The following NLK variants were observed in gnomAD, a reference collection of about 807,000 sequenced individuals.
NLK encodes serine/threonine-protein kinase NLK.
A neutral mutation model predicts 59.0 loss-of-function variants in NLK; 11 were observed. The observed-to-expected ratio is 0.19, with a 90% CI of 0.12 to 0.31. The LOEUF is 0.31. NLK is among the 10% of genes least tolerant of loss of function. The pLI is 1.00. For synonymous variants in NLK, 235 were observed against 235.9 expected (o/e 1.00, Z 0.03); for missense variants, 410 against 661.1 (o/e 0.62, Z 4.16).
intron 1 of NLK, among the ~76,000 whole-genome samples, chr17:28,121,495 C>CTTTTTTTTTTTTTT (rs58647578): frequency 1.7e-4 from 12 of 72,298 alleles, no homozygotes; most frequent in African/African-American, 2.9e-4. Flanking sequence ...TCTTTCTTTT[C>CTTTTTTTTTTTTTT]TTTTTTTTTT....
At chr17:28,164,585 G>A (rs1908144889) in intron 5 of NLK, among the ~76,000 whole-genome samples, 1 of 151,986 alleles carries the variant, frequency 6.6e-6, no homozygotes, top group Non-Finnish European at 1.5e-5. Flanking sequence ...TTTAAAAAGG[G>A]GCTTGCAAAT....
intron 1 of NLK, among the ~76,000 whole-genome samples, chr17:28,064,558 T>C (rs1324279540): frequency 6.6e-6 from 1 of 152,162 alleles, no homozygotes; most frequent in Admixed American, 6.5e-5. Flanking sequence ...ATTTAACACA[T>C]TATTTTTTAA....
intron 1 of NLK, among the ~76,000 whole-genome samples, chr17:28,067,685 G>A (rs572573959): frequency 6.6e-6 from 1 of 152,044 alleles, no homozygotes; most frequent in Non-Finnish European, 1.5e-5. Context: ...CAAACATGAT[G>A]CAACTATCCT....
At chr17:28,074,685 A>G (rs1262569144) in intron 1 of NLK, among the ~76,000 whole-genome samples, 1 of 152,198 alleles carries the variant, frequency 6.6e-6, no homozygotes, top group East Asian at 1.9e-4. Flanking sequence ...TTTTATAAAT[A>G]TGTGTTTCTT....
chr17:28,184,307 C>T (rs1909031831), intron 7 of NLK, among the ~76,000 whole-genome samples: 1 of 152,198 alleles, frequency 6.6e-6, no homozygotes, highest in Non-Finnish European at 1.5e-5. Flanking sequence ...AGTTTACATG[C>T]TTTGCATGTG....
intron 1 of NLK, among the ~76,000 whole-genome samples, chr17:28,104,535 T>G (rs1166919914): frequency 1.3e-5 from 2 of 152,132 alleles, no homozygotes; most frequent in African/African-American, 4.8e-5. Flanking sequence ...ATTACAGGCG[T>G]GAGCCACTAC....
At chr17:28,173,378 G>A (rs1251664836) in intron 7 of NLK, among the ~76,000 whole-genome samples, 1 of 152,106 alleles carries the variant, frequency 6.6e-6, no homozygotes, top group Non-Finnish European at 1.5e-5. Context: ...TCTGATTGAT[G>A]GTACCAAATG....
In NLK at chr17:28,194,824, T is replaced by C. The variant is rs1276705313; in HGVS notation, c.*188T>C. 7 of 405,690 alleles carry C rather than the reference T, an allele frequency of 1.7e-5. No individual in the cohort carries two copies. Among genetic ancestry groups the C allele is most frequent in the Non-Finnish European group, 3.1e-5 (7 of 229,496 alleles). The allele number at this position is 405,690 out of a possible 1,614,324, so 25.1% of individuals were successfully genotyped here. ...TAGACTTTTAATCTTGTAAAGTGGT[T>C]GTGCTTTTAGAAGAAAAATATTTTA... On this transcript the variant is annotated 3_prime_UTR_variant, in exon 11 of 11. Transcript: ENST00000407008.
chr17:28,193,036 T>G (rs1909364978), intron 10 of NLK, among the ~76,000 whole-genome samples: 1 of 152,224 alleles, frequency 6.6e-6, no homozygotes, highest in African/African-American at 2.4e-5. Context: ...TCTTGATTTC[T>G]TTTTCCTTAA....
intron 7 of NLK, among the ~76,000 whole-genome samples, chr17:28,184,952 A>C (rs1461753829): frequency 6.6e-6 from 1 of 152,206 alleles, no homozygotes; most frequent in African/African-American, 2.4e-5. Context: ...CATATCAAAA[A>C]ATAAAAATAA....
At chr17:28,181,837 C>T (rs528160461) in intron 7 of NLK, among the ~76,000 whole-genome samples, 1 of 152,164 alleles carries the variant, frequency 6.6e-6, no homozygotes, top group East Asian at 1.9e-4. Context: ...GTCACGAAAC[C>T]GTGTCTCTAA....
chr17:28,183,722 G>T (rs894811967), intron 7 of NLK, among the ~76,000 whole-genome samples: 5 of 151,926 alleles, frequency 3.3e-5, no homozygotes, highest in African/African-American at 1.2e-4. Context: ...TAGACGGCAG[G>T]TCTAAAACCC....
intron 1 of NLK, chr17:28,048,733 A>C (rs891177229): frequency 6.6e-6 from 1 of 152,156 alleles, no homozygotes; most frequent in Non-Finnish European, 1.5e-5. Flanking sequence ...TATATTGTAA[A>C]ACTGAGTGAC....
At chr17:28,045,799 G>A (rs549102946) in intron 1 of NLK, among the ~76,000 whole-genome samples, 40 of 152,160 alleles carry the variant, frequency 2.6e-4, no homozygotes, top group African/African-American at 9.4e-4. Context: ...ATATTAGTGA[G>A]GTTTTTTACT....
At chr17:28,137,616 G>A (rs1906810886) in intron 3 of NLK, among the ~76,000 whole-genome samples, 1 of 152,078 alleles carries the variant, frequency 6.6e-6, no homozygotes, top group African/African-American at 2.4e-5. Context: ...TAAAGTAAGA[G>A]TATCGGTGTA....
chr17:28,182,354 T>A (rs938285672), intron 7 of NLK, among the ~76,000 whole-genome samples: 1 of 152,208 alleles, frequency 6.6e-6, no homozygotes, highest in Non-Finnish European at 1.5e-5. Context: ...ATGTTAATAG[T>A]TGTCCTAGCA....
chr17:28,103,830 C>CA (rs1196957287), intron 1 of NLK, among the ~76,000 whole-genome samples: 1 of 152,174 alleles, frequency 6.6e-6, no homozygotes, highest in East Asian at 1.9e-4. Context: ...GTATTCTGAC[C>CA]ACTTAACCTG....
At chr17:28,048,219 C>T (rs572956655) in intron 1 of NLK, 44 of 351,014 alleles carry the variant, frequency 1.3e-4, no homozygotes, top group African/African-American at 8.4e-4. Flanking sequence ...GCACCCACTT[C>T]TTGGTGGTTG....
chr17:28,135,082 G>T (rs1906684645), intron 3 of NLK, among the ~76,000 whole-genome samples: 1 of 152,136 alleles, frequency 6.6e-6, no homozygotes, highest in South Asian at 2.1e-4. Context: ...TTTTTAGTTG[G>T]TGGGAAAGAA....
Sources: allele counts gnomAD v4.1 joint callset (sites outside exome capture counted in the v4.1 genomes callset), GRCh38; gene constraint gnomAD v4.1.1; transcripts MANE v1.5; gene names NCBI Gene and HGNC (gene_info 2026-07-23, HGNC 2026-07-21).